FGF1: variants seen among roughly 807,000 people sequenced by gnomAD.
FGF1 encodes the protein beta-endothelial cell growth factor.
A neutral mutation model predicts 13.4 loss-of-function variants in FGF1; 9 were observed. The ratio of observed to expected loss-of-function variants is 0.67; its 90% confidence interval spans 0.40 to 1.17. The LOEUF (loss-of-function observed/expected upper bound fraction) is 1.17, where lower values mean the gene tolerates loss of function less well. FGF1 is among the 50% of genes most tolerant of loss of function. FGF1 has a pLI of 0.01. For missense variants in FGF1, 156 were observed against 192.7 expected, an observed-to-expected ratio of 0.81 and a Z score of 1.13; for synonymous variants, 93 against 79.0, an observed-to-expected ratio of 1.18 and a Z score of -0.94.
At chr5:142,676,262 A>G (rs1290889322) in intron 1 of FGF1, among the ~76,000 whole-genome samples, 1 of 152,216 alleles carries the variant, frequency 6.6e-6, no homozygotes, top group Non-Finnish European at 1.5e-5. Context: ...AGCCGCAACA[A>G]TCATTCATAT....
At chr5:142,600,014 C>G (rs912073102) in intron 3 of FGF1, among the ~76,000 whole-genome samples, 8 of 152,166 alleles carry the variant, frequency 5.3e-5, no homozygotes, top group African/African-American at 1.9e-4. Context: ...TATGAAAGCC[C>G]AGGCTCTGCC....
At chr5:142,622,855 G>T (rs1273686290) in intron 1 of FGF1, among the ~76,000 whole-genome samples, 1 of 152,228 alleles carries the variant, frequency 6.6e-6, no homozygotes, top group Non-Finnish European at 1.5e-5. Flanking sequence ...TAGCATCTCA[G>T]CATGCTGCCC....
intron 1 of FGF1, among the ~76,000 whole-genome samples, chr5:142,665,800 C>G (rs1770194795): frequency 6.6e-6 from 1 of 152,198 alleles, no homozygotes; most frequent in South Asian, 2.1e-4. Flanking sequence ...CTCTCCTCTT[C>G]AAGCACAACC....
intron 1 of FGF1, among the ~76,000 whole-genome samples, chr5:142,639,213 T>G (rs78137529): frequency 0.033 from 5,021 of 152,092 alleles, 372 homozygotes; most frequent in African/African-American, 0.11. Flanking sequence ...AATAGATATC[T>G]GCACTCCTGT....
intron 2 of FGF1, among the ~76,000 whole-genome samples, chr5:142,697,314 TC>T (rs1166027436): frequency 1.3e-5 from 2 of 152,260 alleles, no homozygotes; most frequent in Non-Finnish European, 2.9e-5. Context: ...TCTAATGATT[TC>T]CTGGTAAACG....
At chr5:142,642,725 G>T (rs1765396125) in intron 1 of FGF1, among the ~76,000 whole-genome samples, 1 of 152,238 alleles carries the variant, frequency 6.6e-6, no homozygotes, top group Admixed American at 6.5e-5. Context: ...ACCTGCCTGA[G>T]AGAGCCAAAG....
At chr5:142,646,880 C>G (rs973906679) in intron 1 of FGF1, among the ~76,000 whole-genome samples, 2 of 152,174 alleles carry the variant, frequency 1.3e-5, no homozygotes, top group African/African-American at 4.8e-5. Context: ...TTCCCCACTT[C>G]AGAATCTGGG....
Position 142,592,690 on chromosome 5 carries a change from G to C in FGF1, c.*2600C>G. 2.7e-6 allele frequency: 1 copy of C among 373,208 alleles called. No individual in the cohort carries two copies. The highest frequency in any genetic ancestry group is 4.8e-6 in the Non-Finnish European group (1 of 210,298). The allele number at this position is 373,208 out of a possible 1,614,324, so 23.1% of individuals were successfully genotyped here. On this transcript the variant is annotated 3_prime_UTR_variant, in exon 4 of 4. Transcript: ENST00000337706. ...TCTTCCTTCTAAGAAGATCTGACAGGCTCTTTGGCTGATTTGAAAGCAGTC... is the reference window on the plus strand; with the variant it reads ...TCTTCCTTCTAAGAAGATCTGACAGCCTCTTTGGCTGATTTGAAAGCAGTC...
rs576902781 is a variant in FGF1 at position 142,660,994 on chromosome 5, G to C, written c.-35+24963C>G. Among the ~76,000 whole-genome samples the C allele has an allele frequency of 2.0e-5, 3 of 152,302 alleles. No homozygotes were observed. In the East Asian group the frequency reaches 5.8e-4, roughly 29 times the overall value. On this transcript the variant is annotated intron_variant, in intron 1 of 3. Coordinates refer to ENST00000337706, the MANE Select transcript of FGF1 (RefSeq NM_000800.5). ...CCAAATGGAACATGGTTTAAAGGCA[G>C]GATATGTGGTAAGAGGGGGAAAATG...
intron 1 of FGF1, among the ~76,000 whole-genome samples, chr5:142,652,670 G>A (rs774753586): frequency 7.9e-5 from 12 of 152,168 alleles, no homozygotes; most frequent in Non-Finnish European, 1.3e-4. Context: ...GGGCCCACAC[G>A]TGCAGCCTGG....
intron 1 of FGF1, among the ~76,000 whole-genome samples, chr5:142,660,297 G>A (rs996267589): frequency 2.0e-5 from 3 of 152,232 alleles, no homozygotes; most frequent in Non-Finnish European, 4.4e-5. Flanking sequence ...CTGACTGGAA[G>A]GGAAGAGTTG....
intron 2 of FGF1, among the ~76,000 whole-genome samples, chr5:142,608,597 CAT>C (rs1314912408): frequency 9.1e-5 from 10 of 109,900 alleles, no homozygotes; most frequent in African/African-American, 2.7e-4. Context: ...CACACACACA[CAT>C]ATATGTAAAT....
chr5:142,653,291 C>A (rs77028072), intron 1 of FGF1, among the ~76,000 whole-genome samples: 1 of 152,138 alleles, frequency 6.6e-6, no homozygotes, highest in Non-Finnish European at 1.5e-5. Flanking sequence ...TCACGGCAGC[C>A]GGTAGTTGCG....
At chr5:142,642,315 T>A (rs1051423731) in intron 1 of FGF1, among the ~76,000 whole-genome samples, 1 of 152,212 alleles carries the variant, frequency 6.6e-6, no homozygotes, top group Non-Finnish European at 1.5e-5. Flanking sequence ...CTGTCACTTA[T>A]GAAGTACACT....
chr5:142,626,598 C>T (rs1177539938), intron 1 of FGF1: 2 of 152,140 alleles, frequency 1.3e-5, no homozygotes, highest in South Asian at 2.1e-4. Context: ...ACAGCCCATT[C>T]GTTCATGTTC....
chr5:142,596,607 C>T (rs1288075453), intron 3 of FGF1, among the ~76,000 whole-genome samples: 1 of 151,300 alleles, frequency 6.6e-6, no homozygotes, highest in Non-Finnish European at 1.5e-5. Context: ...TAGCTAGGTG[C>T]CATGGTGTGT....
chr5:142,693,441 G>A (rs370429021), intron 2 of FGF1, among the ~76,000 whole-genome samples: 7 of 151,914 alleles, frequency 4.6e-5, no homozygotes, highest in South Asian at 4.2e-4. Context: ...ACAGGCGTGC[G>A]CCACCACACC....
intron 2 of FGF1, among the ~76,000 whole-genome samples, chr5:142,604,678 G>T (rs756844040): frequency 1.3e-5 from 2 of 152,224 alleles, no homozygotes; most frequent in Non-Finnish European, 2.9e-5. Context: ...TTCCCTGGAG[G>T]AAGGTGGTGC....
At chr5:142,639,478 A>AAT (rs1764805642) in intron 1 of FGF1, among the ~76,000 whole-genome samples, 1 of 152,034 alleles carries the variant, frequency 6.6e-6, no homozygotes, top group Non-Finnish European at 1.5e-5. Flanking sequence ...CAGAAAGACA[A>AAT]ATACCACATG....
Sources: gnomAD v4.1 joint callset for allele counts (sites outside exome capture counted in the v4.1 genomes callset) on GRCh38, gnomAD v4.1.1 for gene constraint, MANE v1.5 for transcripts, NCBI Gene and HGNC (gene_info 2026-07-23, HGNC 2026-07-21) for gene names.